The following RBFOX1 variants were observed in gnomAD, a reference collection of about 807,000 sequenced individuals.
RBFOX1 encodes RNA binding fox-1 homolog 1, also known as RNA binding protein fox-1 homolog 1.
Under a neutral mutation model 57.7 loss-of-function variants are expected in RBFOX1, and 8 were observed. The ratio of observed to expected loss-of-function variants is 0.14; its 90% CI spans 0.08 to 0.25. The LOEUF is 0.25. RBFOX1 is among the 10% of genes least tolerant of loss of function. RBFOX1 has a pLI of 1.00. For missense variants in RBFOX1, 611 were observed against 548.5 expected, an observed-to-expected ratio of 1.11 and a Z score of -1.14; for synonymous variants, 326 against 222.4, an observed-to-expected ratio of 1.47 and a Z score of -4.15.
At chr16:5,950,810 G>T (rs533461477) in intron 4 of RBFOX1, among the ~76,000 whole-genome samples, 1 of 152,060 alleles carries the variant, frequency 6.6e-6, no homozygotes, top group Non-Finnish European at 1.5e-5. Context: ...CTGAGTTCAA[G>T]GGAAACTCAG....
intron 5 of RBFOX1, among the ~76,000 whole-genome samples, chr16:7,546,822 T>G (rs766479817): frequency 6.6e-6 from 1 of 152,226 alleles, no homozygotes; most frequent in African/African-American, 2.4e-5. Context: ...TTCCCATTTT[T>G]CACTGTGACA....
intron 3 of RBFOX1, among the ~76,000 whole-genome samples, chr16:5,672,492 G>A (rs1327929636): frequency 6.6e-6 from 1 of 152,064 alleles, no homozygotes; most frequent in Non-Finnish European, 1.5e-5. Context: ...ATTCTTTAAG[G>A]ACAAGCACAC....
intron 3 of RBFOX1, among the ~76,000 whole-genome samples, chr16:5,730,021 G>A (rs1847094932): frequency 6.6e-6 from 1 of 152,160 alleles, no homozygotes. Flanking sequence ...CTCAAATCCT[G>A]CCTTCATCTA....
At chr16:7,215,327 CA>C (rs1391007028) in intron 4 of RBFOX1, among the ~76,000 whole-genome samples, 1 of 152,184 alleles carries the variant, frequency 6.6e-6, no homozygotes, top group African/African-American at 2.4e-5. Flanking sequence ...GGTATATACT[CA>C]AAGTATTATA....
At chr16:6,980,268 TGTGA>T (rs1389522974) in intron 3 of RBFOX1, among the ~76,000 whole-genome samples, 7 of 152,294 alleles carry the variant, frequency 4.6e-5, no homozygotes, top group South Asian at 2.1e-4. Context: ...CTGTGTCAGG[TGTGA>T]GTGTGTGCGT....
intron 1 of RBFOX1, among the ~76,000 whole-genome samples, chr16:5,355,143 C>A (rs929380246): frequency 1.3e-5 from 2 of 152,032 alleles, no homozygotes; most frequent in Non-Finnish European, 2.9e-5. Flanking sequence ...AGAGGTGTGT[C>A]CTTCTTGGCT....
intron 4 of RBFOX1, among the ~76,000 whole-genome samples, chr16:7,085,649 G>C (rs2059877927): frequency 1.3e-5 from 2 of 152,154 alleles, no homozygotes; most frequent in Admixed American, 6.5e-5. Context: ...TTTCCTATCA[G>C]AAAGGGCACA....
chr16:7,647,537 T>C (rs2063989388), intron 11 of RBFOX1, among the ~76,000 whole-genome samples: 1 of 124,920 alleles, frequency 8.0e-6, no homozygotes, highest in Non-Finnish European at 1.8e-5. Context: ...TAACTTGAAA[T>C]TGAACTAGGA....
chr16:5,543,960 C>A (rs764256117), intron 2 of RBFOX1, among the ~76,000 whole-genome samples: 1 of 152,148 alleles, frequency 6.6e-6, no homozygotes, highest in African/African-American at 2.4e-5. Flanking sequence ...GAGAAATAGT[C>A]AAATCCAGAA....
At chr16:7,061,669 T>C (rs1365020340) in intron 4 of RBFOX1, among the ~76,000 whole-genome samples, 1 of 152,152 alleles carries the variant, frequency 6.6e-6, no homozygotes, top group African/African-American at 2.4e-5. Context: ...CATGCCCCTT[T>C]CCAGGGAAAA....
At chr16:5,646,226 C>T (rs1269663454) in intron 3 of RBFOX1, among the ~76,000 whole-genome samples, 1 of 147,594 alleles carries the variant, frequency 6.8e-6, no homozygotes, top group African/African-American at 2.5e-5. Flanking sequence ...AGGGTTTCAC[C>T]GTGTTAGCCA....
chr16:7,033,589 C>G (rs2043392404), intron 3 of RBFOX1, among the ~76,000 whole-genome samples: 1 of 152,134 alleles, frequency 6.6e-6, no homozygotes, highest in South Asian at 2.1e-4. Flanking sequence ...GGGTGATATG[C>G]TTAGGATAAC....
intron 2 of RBFOX1, among the ~76,000 whole-genome samples, chr16:5,531,946 C>T (rs1026608809): frequency 1.3e-5 from 2 of 151,996 alleles, no homozygotes; most frequent in Non-Finnish European, 2.9e-5. Flanking sequence ...ATTACAGGCA[C>T]CCGCCACCAT....
At chr16:7,060,823 A>C (rs1317679518) in intron 4 of RBFOX1, among the ~76,000 whole-genome samples, 1 of 152,104 alleles carries the variant, frequency 6.6e-6, no homozygotes, top group Non-Finnish European at 1.5e-5. Context: ...CCCTCTCTGG[A>C]TTGTTCTGTC....
At chr16:5,870,228 G>A (rs960211153) in intron 4 of RBFOX1, among the ~76,000 whole-genome samples, 8 of 151,108 alleles carry the variant, frequency 5.3e-5, no homozygotes, top group Non-Finnish European at 2.9e-5. Flanking sequence ...TCTGGGAGGC[G>A]TTGGCTGGGT....
chr16:6,909,778 C>A (rs36012551), intron 3 of RBFOX1, among the ~76,000 whole-genome samples: 10 of 151,908 alleles, frequency 6.6e-5, no homozygotes, highest in Admixed American at 1.3e-4. Context: ...GAGTGTGGTT[C>A]TTCCCTTATT....
At chr16:6,498,078 G>T (rs558768382) in intron 2 of RBFOX1, among the ~76,000 whole-genome samples, 4 of 151,558 alleles carry the variant, frequency 2.6e-5, no homozygotes, top group Non-Finnish European at 5.9e-5. Flanking sequence ...ATGAAACCCC[G>T]TCTCTACTTA....
At chr16:5,474,852 G>A (rs1291808269) in intron 2 of RBFOX1, among the ~76,000 whole-genome samples, 1 of 152,140 alleles carries the variant, frequency 6.6e-6, no homozygotes, top group East Asian at 1.9e-4. Flanking sequence ...CATATTCTGA[G>A]CCCATGCTAT....
rs532741515 is a variant in RBFOX1 at position 6,233,093 on chromosome 16, C to T, written c.-126-83902C>T. Among the ~76,000 whole-genome samples the T allele has an allele frequency of 2.6e-5, 4 of 152,160 alleles. No homozygotes were observed. In the South Asian group the frequency reaches 8.3e-4, roughly 32 times the overall value. On this transcript the variant is annotated intron_variant, in intron 1 of 15. Coordinates refer to ENST00000550418, the MANE Select transcript of RBFOX1 (RefSeq NM_018723.4). ...ATTCTTGTAGTTTACTGAGGCAGGGCCAGCTGCTGGGTGAGATAGAGAGAG... is the reference window on the plus strand; with the variant it reads ...ATTCTTGTAGTTTACTGAGGCAGGGTCAGCTGCTGGGTGAGATAGAGAGAG...
Sources: gnomAD v4.1 joint callset for allele counts (sites outside exome capture counted in the v4.1 genomes callset) on GRCh38, gnomAD v4.1.1 for gene constraint, MANE v1.5 for transcripts, NCBI Gene and HGNC (gene_info 2026-07-23, HGNC 2026-07-21) for gene names.